The following MERTK variants were observed in gnomAD, a reference collection of about 807,000 sequenced individuals.
MERTK encodes the protein tyrosine-protein kinase Mer.
Under a neutral mutation model 99.3 loss-of-function variants are expected in MERTK, and 69 were observed. The ratio of observed to expected loss-of-function variants is 0.70; its 90% CI spans 0.57 to 0.85. The LOEUF (loss-of-function observed/expected upper bound fraction) is 0.85. Among genes scored for constraint, MERTK ranks in the 40% least tolerant of loss-of-function variants. The pLI is 0.00. For missense variants in MERTK, 1,125 were observed against 1,249.4 expected, an observed-to-expected ratio of 0.90 and a Z score of 1.50; for synonymous variants, 426 against 467.6, an observed-to-expected ratio of 0.91 and a Z score of 1.15.
chr2:112,001,198 C>T lies in MERTK; in HGVS notation c.1605-3C>T. Reference sequence around the variant, plus strand: ...TGAAGTATCTTTGTTTTCATTCACCCAGGAATGCATTCACAGAGGAGGATT... The same window carrying T: ...TGAAGTATCTTTGTTTTCATTCACCTAGGAATGCATTCACAGAGGAGGATT... On this transcript the variant is annotated splice_polypyrimidine_tract_variant and splice_region_variant and intron_variant, in intron 10 of 18. Coordinates refer to ENST00000295408, the MANE Select transcript of MERTK (RefSeq NM_006343.3). The T allele has an allele frequency of 6.2e-7, 1 of 1,608,552 alleles. No individual in the cohort carries two copies. The highest frequency in any genetic ancestry group is 8.5e-7 in the Non-Finnish European group (1 of 1,174,992).
At chr2:111,941,512 T>C (rs963683390) in intron 2 of MERTK, among the ~76,000 whole-genome samples, 2 of 152,140 alleles carry the variant, frequency 1.3e-5, no homozygotes, top group African/African-American at 2.4e-5. Context: ...TCCTCTTACA[T>C]GGTGGTTGGG....
At chr2:111,916,404 T>C (rs1029230454) in intron 1 of MERTK, among the ~76,000 whole-genome samples, 1 of 152,204 alleles carries the variant, frequency 6.6e-6, no homozygotes, top group Non-Finnish European at 1.5e-5. Flanking sequence ...TTTTTTTCAG[T>C]CTCTTCTCAT....
rs534345263 is a variant in MERTK, at chr2:111,949,373, A to G, written c.757+1806A>G. On this transcript the variant is annotated intron_variant, in intron 4 of 18. Coordinates refer to ENST00000295408, the MANE Select transcript of MERTK (RefSeq NM_006343.3). ...TACTCAGTAAATATTTATGGCTAGG[A>G]TGGATCAGTAAGTGAATGCCAGCCC... is the stretch of plus-strand genomic sequence containing the variant. Among the ~76,000 whole-genome samples, 7 of 152,244 alleles carry G rather than the reference A, an allele frequency of 4.6e-5. No homozygotes were observed. The South Asian group carries it at 6.2e-4, about 14-fold the overall frequency.
At chr2:111,903,994 C>T (rs1684091988) in intron 1 of MERTK, among the ~76,000 whole-genome samples, 1 of 152,146 alleles carries the variant, frequency 6.6e-6, no homozygotes, top group African/African-American at 2.4e-5. Flanking sequence ...CTCCATTGTT[C>T]AGAATGCTTT....
chr2:111,976,522 C>CTG (rs70962971), intron 7 of MERTK, among the ~76,000 whole-genome samples: 19,574 of 136,492 alleles, frequency 0.14, 1,324 homozygotes, highest in Middle Eastern at 0.2. Flanking sequence ...TGACAAAAAC[C>CTG]TGTGTGTGTG....
At chr2:111,975,189 C>A in intron 6 of MERTK, 100 bp from the exon 7 acceptor site, 1 of 1,132,870 alleles carries the variant, frequency 8.8e-7, no homozygotes, top group Non-Finnish European at 1.3e-6. Flanking sequence ...TTCCCCTTAG[C>A]GTAGAGGAAG....
At chr2:111,991,748 C>T (rs751296586) in intron 8 of MERTK, among the ~76,000 whole-genome samples, 3 of 151,996 alleles carry the variant, frequency 2.0e-5, no homozygotes, top group Non-Finnish European at 2.9e-5. Flanking sequence ...TGTGTGTACA[C>T]ACACAATATA....
chr2:111,953,955 C>G (rs1007542056), intron 4 of MERTK, among the ~76,000 whole-genome samples: 2 of 152,216 alleles, frequency 1.3e-5, no homozygotes, highest in South Asian at 4.1e-4. Flanking sequence ...TCAGGCTTTC[C>G]TGGTTCATCG....
At chr2:111,999,863 T>C (rs1676831168) in intron 10 of MERTK, among the ~76,000 whole-genome samples, 11 of 152,296 alleles carry the variant, frequency 7.2e-5, no homozygotes, top group Admixed American at 6.5e-4. Context: ...GCAGTGGAGT[T>C]ATCCAATATC....
chr2:111,951,713 CAT>C (rs1558784014), intron 4 of MERTK, among the ~76,000 whole-genome samples: 1 of 151,350 alleles, frequency 6.6e-6, no homozygotes, highest in Non-Finnish European at 1.5e-5. Context: ...ATTGATGAAT[CAT>C]ATGGTAGTTC....
Position 112,004,464 on chromosome 2 carries a change from AGAG to A in MERTK, c.1867+484_1867+486del, listed in dbSNP as rs1459674696. 2.6e-5 allele frequency among the ~76,000 whole-genome samples: 4 copies of A among 152,308 alleles called. No individual in the cohort carries two copies. In the South Asian group the frequency reaches 8.3e-4, roughly 32 times the overall value. Reference sequence around the variant, plus strand: ...TGCCTGGCAAGTAAGTTCCCCAGAAAGAGGAGAAATATTTGGTCAAGGCATATG... The same window carrying A: ...TGCCTGGCAAGTAAGTTCCCCAGAAAGAGAAATATTTGGTCAAGGCATATG... On this transcript the variant is annotated intron_variant, in intron 13 of 18. Coordinates refer to ENST00000295408, the MANE Select transcript of MERTK (RefSeq NM_006343.3).
intron 4 of MERTK, among the ~76,000 whole-genome samples, chr2:111,954,744 C>A (rs1016427631): frequency 3.3e-5 from 5 of 152,066 alleles, no homozygotes; most frequent in African/African-American, 1.2e-4. Flanking sequence ...ATTCTGTAGA[C>A]CCAAAGGGCT....
intron 9 of MERTK, chr2:111,994,661 C>T: frequency 4.3e-6 from 2 of 469,828 alleles, no homozygotes; most frequent in Non-Finnish European, 8.1e-6. Context: ...TGCCTGTTGT[C>T]CCAGCTACTT....
rs201460398 is a variant in MERTK at position 112,028,737 on chromosome 2, C to T, written c.2873C>T (p.Pro958Leu). 2.8e-5 allele frequency: 45 copies of T among 1,614,102 alleles called. No homozygotes were observed. Among genetic ancestry groups the T allele is most frequent in the African/African-American group, 1.9e-4 (14 of 75,020 alleles). ...AVTAEKNSVL[P>L]GERLVRNGVS... ...ACAGCTGAAAAGAACAGTGTTTTAC[C>T]GGGGGAGAGACTTGTTAGGAATGGG... The change falls in exon 19 of 19, where the codon CCG (proline) becomes CTG (leucine). Residue 958 changes from proline (P) to leucine (L), a missense_variant. Transcript: ENST00000295408.
At chr2:111,958,615 A>T (rs778375824) in intron 4 of MERTK, among the ~76,000 whole-genome samples, 6 of 152,110 alleles carry the variant, frequency 3.9e-5, no homozygotes, top group Non-Finnish European at 8.8e-5. Context: ...GGCAATTCAG[A>T]CTTGGTGTAG....
chr2:111,911,983 C>A (rs55757240), intron 1 of MERTK, among the ~76,000 whole-genome samples: 1 of 148,876 alleles, frequency 6.7e-6, no homozygotes, highest in Admixed American at 6.9e-5. Context: ...GCCACTGTGC[C>A]TGGCTTCCAA....
chr2:111,938,155 C>T (rs1223358970), intron 2 of MERTK, among the ~76,000 whole-genome samples: 1 of 152,158 alleles, frequency 6.6e-6, no homozygotes, highest in South Asian at 2.1e-4. Flanking sequence ...CGGCTTATTG[C>T]AGCCTCGACC....
At position 112,021,518 on chromosome 2, in the gene MERTK, G is replaced by C. The variant is rs1239497682; in HGVS notation, c.2286G>C (p.Met762Ile). The C allele has an allele frequency of 5.6e-6, 9 of 1,613,876 alleles. No homozygotes were observed. The African/African-American group carries it at 1.2e-4, about 22-fold the overall frequency. ...DYYRQGRIAKMPVKWIAIESL... is the reference protein window; with the variant it reads ...DYYRQGRIAKIPVKWIAIESL... ...ACCGCCAAGGCCGCATTGCTAAGAT[G>C]CCTGTTAAATGGATCGCCATAGAAA... Residue 762 changes from methionine to isoleucine, a missense_variant, in exon 17 of 19, where the codon ATG becomes ATC. Transcript: ENST00000295408.
chr2:111,985,083 C>T (rs1291680988), intron 8 of MERTK, among the ~76,000 whole-genome samples: 1 of 152,182 alleles, frequency 6.6e-6, no homozygotes, highest in East Asian at 1.9e-4. Context: ...TTTCATTTCA[C>T]AGTGGCAAAC....
Sources: allele counts gnomAD v4.1 joint callset (sites outside exome capture counted in the v4.1 genomes callset), GRCh38; gene constraint gnomAD v4.1.1; transcripts MANE v1.5; gene names NCBI Gene and HGNC (gene_info 2026-07-23, HGNC 2026-07-21).